DLGAP2: variants seen among roughly 807,000 people sequenced by gnomAD.
The protein encoded by DLGAP2 is disks large-associated protein 2.
A neutral mutation model predicts 100.3 loss-of-function variants in DLGAP2; 26 were observed. The observed-to-expected ratio is 0.26, with a 90% CI of 0.19 to 0.36. The LOEUF is 0.36. Among genes scored for constraint, DLGAP2 ranks in the 10% least tolerant of loss-of-function variants. DLGAP2 has a pLI of 1.00. For missense variants in DLGAP2, 1,858 were observed against 1,453.2 expected, an observed-to-expected ratio of 1.28 and a Z score of -4.53; for synonymous variants, 886 against 630.1, an observed-to-expected ratio of 1.41 and a Z score of -6.08.
At chr8:1,297,546 TG>T in intron 3 of DLGAP2, among the ~76,000 whole-genome samples, 1 of 117,168 alleles carries the variant, frequency 8.5e-6, no homozygotes, top group Non-Finnish European at 1.8e-5. Flanking sequence ...AGGAGAAACG[TG>T]GCAGGCATGA....
intron 2 of DLGAP2, among the ~76,000 whole-genome samples, chr8:1,133,183 A>G (rs1223365683): frequency 2.6e-5 from 4 of 152,166 alleles, no homozygotes; most frequent in African/African-American, 4.8e-5. Context: ...TTAACAAGCT[A>G]CTTAAGCACT....
intron 12 of DLGAP2, among the ~76,000 whole-genome samples, chr8:1,680,375 A>G (rs1798915553): frequency 6.6e-6 from 1 of 152,248 alleles, no homozygotes; most frequent in Non-Finnish European, 1.5e-5. Context: ...TGACTTACAG[A>G]GAATAACGGC....
chr8:1,235,153 G>T (rs1798620027), intron 2 of DLGAP2, among the ~76,000 whole-genome samples: 1 of 141,128 alleles, frequency 7.1e-6, no homozygotes, highest in African/African-American at 2.6e-5. Flanking sequence ...GTGGCGTCGT[G>T]TCTAGTTCTC....
chr8:1,583,552 A>G lies in DLGAP2; in HGVS notation c.1442+17658A>G, dbSNP rs551872210. ...TGACATCTGATTAAGAAGCCTTTCA[A>G]AGAAATCACAGTTTTTGCAGAATCC... On this transcript the variant is annotated intron_variant, in intron 6 of 14. Transcript: ENST00000637795. Among the ~76,000 whole-genome samples, 3 of 152,328 alleles carry G rather than the reference A, an allele frequency of 2.0e-5. No homozygotes were observed. The South Asian group carries it at 6.2e-4, about 32-fold the overall frequency.
At chr8:1,340,284 T>G (rs1801390142) in intron 3 of DLGAP2, among the ~76,000 whole-genome samples, 2 of 152,122 alleles carry the variant, frequency 1.3e-5, no homozygotes, top group Non-Finnish European at 2.9e-5. Flanking sequence ...GAAACTAGCA[T>G]CAGAGCAAAC....
chr8:994,267 C>T (rs1248188988), intron 2 of DLGAP2, among the ~76,000 whole-genome samples: 1 of 152,154 alleles, frequency 6.6e-6, no homozygotes, highest in Non-Finnish European at 1.5e-5. Context: ...GTGGCGCGAT[C>T]TCGGCTCACT....
intron 2 of DLGAP2, among the ~76,000 whole-genome samples, chr8:920,925 C>G (rs1486932088): frequency 6.6e-6 from 1 of 152,210 alleles, no homozygotes; most frequent in Non-Finnish European, 1.5e-5. Context: ...TGAGCTGAAT[C>G]CTGGTCCTCA....
intron 2 of DLGAP2, among the ~76,000 whole-genome samples, chr8:925,326 T>A (rs74515153): frequency 0.012 from 1,816 of 152,262 alleles, 46 homozygotes; most frequent in African/African-American, 0.041. Context: ...CTCCTTATGT[T>A]GCCGAGGCTG....
rs191752395 is a variant in DLGAP2 at position 1,353,087 on chromosome 8, A to G, written c.106+94204A>G. On this transcript the variant is annotated intron_variant, in intron 3 of 14. Transcript: ENST00000637795. The stretch of plus-strand genomic sequence containing the variant: ...CTTGAACAGCAAGAAACGACGAAGG[A>G]CCCCCCCGAGGTCAGTGATCTGGAG... 3.3e-5 allele frequency among the ~76,000 whole-genome samples: 5 copies of G among 151,898 alleles called. No individual in the cohort carries two copies. The East Asian group carries it at 9.7e-4, about 30-fold the overall frequency.
At chr8:1,060,569 A>T (rs1479745999) in intron 2 of DLGAP2, among the ~76,000 whole-genome samples, 1 of 152,180 alleles carries the variant, frequency 6.6e-6, no homozygotes, top group Non-Finnish European at 1.5e-5. Context: ...GGCCTGCTCT[A>T]ATCCAGGATG....
At chr8:1,380,961 C>T (rs896115564) in intron 3 of DLGAP2, 6 of 66,890 alleles carry the variant, frequency 9.0e-5, no homozygotes, top group Admixed American at 8.4e-4. Context: ...AAAAAAAAAA[C>T]ACCCAAAAGG....
At chr8:914,853 C>T (rs1303362946) in intron 2 of DLGAP2, among the ~76,000 whole-genome samples, 2 of 152,158 alleles carry the variant, frequency 1.3e-5, no homozygotes, top group Admixed American at 1.3e-4. Flanking sequence ...ATTCCTGGGA[C>T]CTTTCTGTGT....
chr8:1,139,767 G>C (rs1447228004), intron 2 of DLGAP2, among the ~76,000 whole-genome samples: 1 of 152,150 alleles, frequency 6.6e-6, no homozygotes, highest in East Asian at 1.9e-4. Flanking sequence ...GCCTGGCACA[G>C]GGTTTGGGGT....
At chr8:882,953 A>T (rs1241909685) in intron 1 of DLGAP2, among the ~76,000 whole-genome samples, 1 of 152,230 alleles carries the variant, frequency 6.6e-6, no homozygotes, top group Non-Finnish European at 1.5e-5. Flanking sequence ...GATTAATGTC[A>T]GAAGTTGAGT....
At chr8:841,592 A>T (rs1442787254) in intron 1 of DLGAP2, among the ~76,000 whole-genome samples, 1 of 151,434 alleles carries the variant, frequency 6.6e-6, no homozygotes, top group East Asian at 1.9e-4. Context: ...TTTTTTTGAG[A>T]TGAGGTCTTG....
At chr8:1,572,360 AG>A in intron 6 of DLGAP2, among the ~76,000 whole-genome samples, 1 of 80,486 alleles carries the variant, frequency 1.2e-5, no homozygotes, top group African/African-American at 4.3e-5. Context: ...TGGAGAGGAG[AG>A]AGGGTGAACT....
rs1307280637 is a variant in DLGAP2, at chr8:1,368,658, G to A, written c.106+109775G>A. 4 of 152,184 alleles carry A rather than the reference G, an allele frequency of 2.6e-5. No homozygotes were observed. In the East Asian group the frequency reaches 7.7e-4, roughly 29 times the overall value. The allele number at this position is 152,184 out of a possible 1,614,324, so 9.4% of individuals were successfully genotyped here. On this transcript the variant is annotated intron_variant, in intron 3 of 14. Coordinates refer to ENST00000637795, the MANE Select transcript of DLGAP2 (RefSeq NM_001346810.2). Reference sequence around the variant, plus strand: ...TTATGAGTCTTTTTGTGCGTCTGGTGCCGTATATCAATTTTTTATTTTTGG... The same window carrying A: ...TTATGAGTCTTTTTGTGCGTCTGGTACCGTATATCAATTTTTTATTTTTGG...
chr8:836,539 G>A (rs898554331), intron 1 of DLGAP2, among the ~76,000 whole-genome samples: 16 of 152,208 alleles, frequency 1.1e-4, no homozygotes, highest in Admixed American at 2.0e-4. Flanking sequence ...GGCACACAAG[G>A]CTGAGGTTCT....
chr8:1,103,896 G>T (rs1481521839), intron 2 of DLGAP2, among the ~76,000 whole-genome samples: 2 of 152,240 alleles, frequency 1.3e-5, no homozygotes, highest in Non-Finnish European at 2.9e-5. Flanking sequence ...CCATGTTGGG[G>T]CTGCATCTGC....
Sources: gnomAD v4.1 joint callset for allele counts (sites outside exome capture counted in the v4.1 genomes callset) on GRCh38, gnomAD v4.1.1 for gene constraint, MANE v1.5 for transcripts, NCBI Gene and HGNC (gene_info 2026-07-23, HGNC 2026-07-21) for gene names.